The following FSTL5 variants were observed in gnomAD, a reference collection of about 807,000 sequenced individuals.
The protein encoded by FSTL5 is follistatin-related protein 5.
A neutral mutation model predicts 89.1 loss-of-function variants in FSTL5; 62 were observed. The observed-to-expected ratio is 0.70, with a 90% CI of 0.57 to 0.86. The LOEUF (loss-of-function observed/expected upper bound fraction) is 0.86, where lower values mean the gene tolerates loss of function less well. FSTL5 is among the 40% of genes least tolerant of loss of function. The pLI is 0.00. For synonymous variants in FSTL5, 383 were observed against 346.2 expected (o/e 1.11, Z -1.18); for missense variants, 1,057 against 1,001.6 (o/e 1.06, Z -0.75).
chr4:161,724,576 G>A (rs1401062725), intron 6 of FSTL5, among the ~76,000 whole-genome samples: 1 of 152,110 alleles, frequency 6.6e-6, no homozygotes, highest in African/African-American at 2.4e-5. Context: ...TGCCTGTGAT[G>A]TATGATTTTA....
rs551212163 is a variant in FSTL5, at chr4:161,543,733, C to T, written c.1016-1040G>A. ...AAGAAAATAAGCCTGAACTCCTACC[C>T]CATACCATAAGCAAAATTGAATTCA... On this transcript the variant is annotated intron_variant, in intron 8 of 15. Transcript: ENST00000306100. Among the ~76,000 whole-genome samples the T allele has an allele frequency of 5.4e-4, 78 of 145,206 alleles. No homozygotes were observed. In the Middle Eastern group the frequency reaches 0.01, roughly 19 times the overall value.
chr4:161,626,830 C>G (rs1247213974), intron 7 of FSTL5, among the ~76,000 whole-genome samples: 1 of 152,142 alleles, frequency 6.6e-6, no homozygotes, highest in African/African-American at 2.4e-5. Context: ...ATCCAATCCT[C>G]ATGGATGGCT....
intron 1 of FSTL5, among the ~76,000 whole-genome samples, chr4:162,125,371 AC>A (rs1210759298): frequency 6.6e-6 from 1 of 152,138 alleles, no homozygotes; most frequent in Non-Finnish European, 1.5e-5. Flanking sequence ...TTTTTAATTG[AC>A]CTGATATTAA....
At chr4:161,433,687 A>T (rs1052793599) in intron 15 of FSTL5, among the ~76,000 whole-genome samples, 1 of 152,164 alleles carries the variant, frequency 6.6e-6, no homozygotes, top group Non-Finnish European at 1.5e-5. Flanking sequence ...AACTATTAGA[A>T]ATGATAAACA....
chr4:161,773,753 A>G (rs1487530797), intron 5 of FSTL5, among the ~76,000 whole-genome samples: 1 of 152,202 alleles, frequency 6.6e-6, no homozygotes, highest in Non-Finnish European at 1.5e-5. Context: ...AACGTAAACT[A>G]GTACAACCAC....
intron 12 of FSTL5, among the ~76,000 whole-genome samples, chr4:161,485,291 G>T (rs528866802): frequency 6.0e-4 from 91 of 152,248 alleles, no homozygotes; most frequent in African/African-American, 1.9e-3. Flanking sequence ...CAGTTCCCTG[G>T]ATGTGGCTTC....
intron 12 of FSTL5, 96 bp downstream of exon 12, chr4:161,499,919 GT>G: frequency 1.4e-6 from 1 of 698,552 alleles, no homozygotes; most frequent in East Asian, 2.7e-5. Context: ...TCCAACACGA[GT>G]CTCATATATG....
At chr4:161,745,550 T>C (rs1292265621) in intron 6 of FSTL5, among the ~76,000 whole-genome samples, 1 of 152,030 alleles carries the variant, frequency 6.6e-6, no homozygotes, top group Non-Finnish European at 1.5e-5. Flanking sequence ...AAATATTTAA[T>C]TACACAGTTT....
intron 4 of FSTL5, among the ~76,000 whole-genome samples, chr4:161,898,971 C>T (rs1242753928): frequency 6.6e-6 from 1 of 152,120 alleles, no homozygotes; most frequent in African/African-American, 2.4e-5. Context: ...CATCACTCCT[C>T]TGTCTCCATC....
intron 6 of FSTL5, among the ~76,000 whole-genome samples, chr4:161,669,744 T>C (rs566831959): frequency 2.7e-4 from 41 of 152,258 alleles, no homozygotes; most frequent in African/African-American, 8.2e-4. Flanking sequence ...GACCATATTT[T>C]ACATTCAAAA....
intron 8 of FSTL5, among the ~76,000 whole-genome samples, chr4:161,584,609 G>A (rs976402499): frequency 2.6e-5 from 4 of 152,160 alleles, no homozygotes; most frequent in African/African-American, 9.7e-5. Flanking sequence ...AAGAGTTAAT[G>A]ATAGAAGTGT....
At chr4:161,523,132 T>C (rs1191726325) in intron 10 of FSTL5, among the ~76,000 whole-genome samples, 1 of 152,162 alleles carries the variant, frequency 6.6e-6, no homozygotes, top group East Asian at 1.9e-4. Flanking sequence ...AATAGCTTAA[T>C]ATACAAAAGC....
chr4:161,730,709 T>G (rs1051486425), intron 6 of FSTL5, among the ~76,000 whole-genome samples: 14 of 152,300 alleles, frequency 9.2e-5, no homozygotes, highest in Admixed American at 8.5e-4. Flanking sequence ...TTACCCAGAA[T>G]GCAGGGTCTA....
chr4:162,073,853 T>C (rs994211981), intron 2 of FSTL5, among the ~76,000 whole-genome samples: 1 of 151,760 alleles, frequency 6.6e-6, no homozygotes, highest in Admixed American at 6.6e-5. Context: ...CCCACAGCAA[T>C]ACAGATGCTG....
At chr4:161,559,337 C>A (rs1040878657) in intron 8 of FSTL5, among the ~76,000 whole-genome samples, 1 of 151,728 alleles carries the variant, frequency 6.6e-6, no homozygotes, top group Non-Finnish European at 1.5e-5. Flanking sequence ...CCATCCTCCT[C>A]CTTGTTCTTT....
intron 2 of FSTL5, among the ~76,000 whole-genome samples, chr4:162,080,006 A>T (rs1005149067): frequency 6.6e-6 from 1 of 151,464 alleles, no homozygotes; most frequent in African/African-American, 2.4e-5. Flanking sequence ...GGTACTACAA[A>T]TTTTTCCAAA....
chr4:161,834,790 G>A (rs1200261422), intron 4 of FSTL5, among the ~76,000 whole-genome samples: 1 of 151,944 alleles, frequency 6.6e-6, no homozygotes. Flanking sequence ...CACTGCTCGA[G>A]GAAATACAAG....
rs1037693845 is a variant in FSTL5, at chr4:161,525,127, T to C, written c.1312+13039A>G. 4.6e-5 allele frequency among the ~76,000 whole-genome samples: 7 copies of C among 152,106 alleles called. No individual in the cohort carries two copies. In the East Asian group the frequency reaches 1.4e-3, roughly 29 times the overall value. On this transcript the variant is annotated intron_variant, in intron 10 of 15. Transcript: ENST00000306100. Reference sequence around the variant, plus strand: ...TCATCGCGCTTTGCTTGTGTGCATATTAACAGCAATTATTTTATTCTACTA... The same window carrying C: ...TCATCGCGCTTTGCTTGTGTGCATACTAACAGCAATTATTTTATTCTACTA...
intron 2 of FSTL5, among the ~76,000 whole-genome samples, chr4:162,068,967 A>G (rs1729474847): frequency 6.6e-6 from 1 of 152,118 alleles, no homozygotes. Context: ...TGATCATCAG[A>G]AAAATGGAAA....
Sources: gnomAD v4.1 joint callset for allele counts (sites outside exome capture counted in the v4.1 genomes callset) on GRCh38, gnomAD v4.1.1 for gene constraint, MANE v1.5 for transcripts, NCBI Gene and HGNC (gene_info 2026-07-23, HGNC 2026-07-21) for gene names.